The following SLC25A17 variants were observed in gnomAD, a reference collection of about 807,000 sequenced individuals.
The protein encoded by SLC25A17 is peroxisomal membrane protein PMP34.
In SLC25A17, 26 loss-of-function variants were observed where a neutral mutation model predicts 38.5. The observed-to-expected ratio is 0.68, with a 90% CI of 0.50 to 0.94. SLC25A17 has a LOEUF of 0.94. Among genes scored for constraint, SLC25A17 ranks in the 40% least tolerant of loss-of-function variants. SLC25A17 has a pLI of 0.00. For synonymous variants in SLC25A17, 139 were observed against 136.2 expected, an observed-to-expected ratio of 1.02 and a Z score of -0.14; for missense variants, 333 against 372.7, an observed-to-expected ratio of 0.89 and a Z score of 0.88.
chr22:40,787,738 C>T (rs1454762182), intron 4 of SLC25A17, among the ~76,000 whole-genome samples: 3 of 151,242 alleles, frequency 2.0e-5, no homozygotes, highest in East Asian at 1.9e-4. Context: ...TTACTGTCTT[C>T]GACAACAACA....
intron 2 of SLC25A17, chr22:40,797,338 T>C: frequency 1.5e-6 from 2 of 1,299,636 alleles, no homozygotes; most frequent in Middle Eastern, 4.3e-4. Flanking sequence ...TGAACAAATC[T>C]GAGGAAAAAA....
chr22:40,805,691 C>T (rs571771108), intron 1 of SLC25A17, among the ~76,000 whole-genome samples: 7 of 152,152 alleles, frequency 4.6e-5, no homozygotes, highest in East Asian at 1.9e-4. Context: ...AAAAAGTCCT[C>T]GCATTCAAAG....
chr22:40,798,939 G>A (rs542781486), intron 2 of SLC25A17, 84 bp downstream of exon 2: 13 of 951,112 alleles, frequency 1.4e-5, no homozygotes, highest in East Asian at 1.3e-4. Flanking sequence ...GCGAAACTCC[G>A]TCTCAAAAAA....
chr22:40,803,932 G>A (rs2057506355), intron 1 of SLC25A17, among the ~76,000 whole-genome samples: 1 of 151,726 alleles, frequency 6.6e-6, no homozygotes, highest in Non-Finnish European at 1.5e-5. Context: ...GAGGTGACTG[G>A]GCAAGTCCTT....
intron 7 of SLC25A17, chr22:40,776,148 C>CT (rs920841074): frequency 4.3e-5 from 13 of 301,926 alleles, no homozygotes; most frequent in Non-Finnish European, 8.6e-5. Context: ...CTTTATAGTT[C>CT]TTTTTTCAAT....
intron 2 of SLC25A17, among the ~76,000 whole-genome samples, chr22:40,798,730 G>A (rs2057453170): frequency 1.3e-5 from 2 of 150,888 alleles, no homozygotes; most frequent in African/African-American, 4.9e-5. Context: ...CACTTTGGGA[G>A]GCCAAGGCAG....
Position 40,819,295 on chromosome 22 carries a change from G to A in SLC25A17, c.-47C>T, listed in dbSNP as rs1339069929. ...CAGCCACACTTTTCCCACAGATGCC[G>A]CAGCCAGTGGAGTTAGGAAAGGAGC... is the stretch of plus-strand genomic sequence containing the variant. On this transcript the variant is annotated 5_prime_UTR_variant, in exon 1 of 9. Coordinates refer to ENST00000435456, the MANE Select transcript of SLC25A17 (RefSeq NM_006358.4). 1.2e-6 allele frequency: 2 copies of A among 1,604,126 alleles called. No homozygotes were observed. Among genetic ancestry groups the A allele is most frequent in the Admixed American group, 1.7e-5 (1 of 59,916 alleles).
intron 1 of SLC25A17, among the ~76,000 whole-genome samples, chr22:40,812,768 G>T (rs992585008): frequency 6.6e-6 from 1 of 152,102 alleles, no homozygotes; most frequent in Non-Finnish European, 1.5e-5. Flanking sequence ...AGCACTTTAG[G>T]AGGTGGGAGA....
chr22:40,778,582 T>C (rs1481617201), intron 5 of SLC25A17, among the ~76,000 whole-genome samples: 3 of 152,244 alleles, frequency 2.0e-5, no homozygotes, highest in Non-Finnish European at 4.4e-5. Flanking sequence ...TTTTTTTTAA[T>C]TATACTTTAA....
At chr22:40,773,865 A>G in intron 8 of SLC25A17, 72 bp downstream of exon 8, 3 of 1,054,688 alleles carry the variant, frequency 2.8e-6, no homozygotes, top group Non-Finnish European at 4.5e-6. Context: ...TGAGAGAGGG[A>G]AATGCAACCC....
At chr22:40,815,650 T>C (rs951043724) in intron 1 of SLC25A17, among the ~76,000 whole-genome samples, 3 of 152,238 alleles carry the variant, frequency 2.0e-5, no homozygotes, top group African/African-American at 7.2e-5. Context: ...CGTTCCATTA[T>C]GCTAGATGCT....
chr22:40,773,075 A>G (rs1033865159), intron 8 of SLC25A17, among the ~76,000 whole-genome samples: 1 of 152,172 alleles, frequency 6.6e-6, no homozygotes, highest in Non-Finnish European at 1.5e-5. Context: ...CTTTAAATGA[A>G]ACAGGAAATG....
intron 4 of SLC25A17, among the ~76,000 whole-genome samples, chr22:40,782,221 AAACAACAAC>A (rs57313774): frequency 4.7e-5 from 7 of 150,010 alleles, no homozygotes; most frequent in South Asian, 2.1e-4. Context: ...CCCCATCTCA[AAACAACAAC>A]AACAACAACA....
intron 1 of SLC25A17, among the ~76,000 whole-genome samples, chr22:40,814,791 T>TATATATATATATA (rs1568991013): frequency 2.4e-5 from 3 of 122,560 alleles, no homozygotes; most frequent in African/African-American, 9.9e-5. Context: ...ATATATATAT[T>TATATATATATATA]GTTGTTGTTG....
intron 7 of SLC25A17, chr22:40,776,372 T>A: frequency 2.2e-6 from 1 of 449,852 alleles, no homozygotes; most frequent in Non-Finnish European, 4.6e-6. Context: ...TCATTCCTCC[T>A]GAGTGAACTA....
In SLC25A17 at chr22:40,774,029, G is replaced by T. The variant is rs1300383950; in HGVS notation, c.694-10C>A. The T allele has an allele frequency of 3.1e-6, 5 of 1,594,644 alleles. No individual in the cohort carries two copies. Among genetic ancestry groups the T allele is most frequent in the Non-Finnish European group, 1.7e-6 (2 of 1,165,032 alleles). On this transcript the variant is annotated splice_polypyrimidine_tract_variant and intron_variant, in intron 7 of 8. Transcript: ENST00000435456. ...GTCTATGACGCCCAAACTGAGGAAAGAGGGAAAAAAAACAAAAGTACTGTT... is the reference window on the plus strand; with the variant it reads ...GTCTATGACGCCCAAACTGAGGAAATAGGGAAAAAAAACAAAAGTACTGTT...
At chr22:40,781,342 C>T (rs1472978930) in intron 4 of SLC25A17, among the ~76,000 whole-genome samples, 2 of 151,846 alleles carry the variant, frequency 1.3e-5, no homozygotes, top group Non-Finnish European at 2.9e-5. Context: ...GCCTCCCCGG[C>T]TCACACCATT....
chr22:40,785,544 T>C (rs1380552588), intron 4 of SLC25A17, among the ~76,000 whole-genome samples: 1 of 151,940 alleles, frequency 6.6e-6, no homozygotes, highest in Non-Finnish European at 1.5e-5. Flanking sequence ...GCCAGGAGTG[T>C]TTAGGATGAA....
intron 1 of SLC25A17, among the ~76,000 whole-genome samples, chr22:40,806,340 T>G (rs915447368): frequency 2.0e-5 from 3 of 152,220 alleles, no homozygotes; most frequent in Non-Finnish European, 4.4e-5. Context: ...ATATTTAAAG[T>G]TGAAATGTAG....
Sources: allele counts gnomAD v4.1 joint callset (sites outside exome capture counted in the v4.1 genomes callset), GRCh38; gene constraint gnomAD v4.1.1; transcripts MANE v1.5; gene names NCBI Gene and HGNC (gene_info 2026-07-23, HGNC 2026-07-21).